The following TTC39C variants were observed in gnomAD, a reference collection of about 807,000 sequenced individuals.
TTC39C encodes the protein tetratricopeptide repeat domain 39C.
Under a neutral mutation model 76.3 loss-of-function variants are expected in TTC39C, and 33 were observed. That is an observed-to-expected ratio of 0.43 (90% CI 0.33 to 0.58). The LOEUF is 0.58. Among genes scored for constraint, TTC39C ranks in the 20% least tolerant of loss-of-function variants. The probability of loss-of-function intolerance (pLI) is 0.04; values close to 1 mark genes in which losing one functional copy is unlikely to be tolerated. For missense variants in TTC39C, 595 were observed against 701.4 expected (o/e 0.85, Z 1.71); for synonymous variants, 254 against 260.6 (o/e 0.97, Z 0.24).
chr18:24,121,790 A>G (rs2084971782), intron 8 of TTC39C, among the ~76,000 whole-genome samples: 1 of 152,050 alleles, frequency 6.6e-6, no homozygotes, highest in African/African-American at 2.4e-5. Flanking sequence ...TTTTTCATTG[A>G]TTTACTCTGT....
Position 24,065,976 on chromosome 18 carries a change from AATTC to A in TTC39C, c.217-19_217-16del, listed in dbSNP as rs750359133. On this transcript the variant is annotated intron_variant, in intron 2 of 13. Transcript: ENST00000317571. ...AAGTTGGCTTAAATTTTCAGATACT[AATTC>A]ATTCATTCATTCATTCTTTCTTTCT... The A allele has an allele frequency of 7.9e-6, 12 of 1,511,636 alleles. No homozygotes were observed. The Admixed American group carries it at 1.0e-4, about 13-fold the overall frequency. The allele number at this position is 1,511,636 out of a possible 1,614,324, so 93.6% of individuals were successfully genotyped here.
intron 1 of TTC39C, 124 bp from the exon 2 acceptor site, chr18:24,064,016 C>A: frequency 1.5e-6 from 2 of 1,351,024 alleles, no homozygotes; most frequent in South Asian, 1.5e-5. Flanking sequence ...TGCTTGATGA[C>A]CTTAACTTCT....
At chr18:23,993,934 C>A (rs954347937) in intron 1 of TTC39C, among the ~76,000 whole-genome samples, 1 of 152,146 alleles carries the variant, frequency 6.6e-6, no homozygotes, top group East Asian at 1.9e-4. Context: ...TATGACATCA[C>A]CAACAATCAT....
At chr18:24,018,954 G>T (rs951146652) in intron 1 of TTC39C, among the ~76,000 whole-genome samples, 4 of 152,110 alleles carry the variant, frequency 2.6e-5, no homozygotes, top group African/African-American at 9.7e-5. Flanking sequence ...TTGCTACTGG[G>T]TGTCTCGTCA....
At chr18:24,105,959 A>G (rs112438135) in intron 6 of TTC39C, among the ~76,000 whole-genome samples, 20 of 152,178 alleles carry the variant, frequency 1.3e-4, no homozygotes, top group Non-Finnish European at 2.2e-4. Context: ...GTCTTGGCCT[A>G]TGGAAGTGTC....
intron 6 of TTC39C, among the ~76,000 whole-genome samples, chr18:24,098,464 TTTC>T (rs2145785700): frequency 8.3e-6 from 1 of 121,070 alleles, no homozygotes; most frequent in Non-Finnish European, 1.7e-5. Context: ...TTTCCTTTCC[TTTC>T]TTTTCTCCTC....
intron 1 of TTC39C, among the ~76,000 whole-genome samples, chr18:24,039,901 G>C (rs941998022): frequency 4.6e-5 from 7 of 152,196 alleles, no homozygotes; most frequent in African/African-American, 1.7e-4. Flanking sequence ...TCACTAGTTA[G>C]ATGGTGCGGC....
chr18:24,057,239 C>T (rs1322101978), intron 1 of TTC39C, among the ~76,000 whole-genome samples: 1 of 152,024 alleles, frequency 6.6e-6, no homozygotes, highest in Non-Finnish European at 1.5e-5. Flanking sequence ...TAAAATATAG[C>T]CACAGTACCA....
rs140346851 is a variant in TTC39C at position 24,114,577 on chromosome 18, A to G, written c.1008A>G (p.Thr336=). Residue 336 remains threonine, a synonymous_variant, in exon 7 of 14, where the codon ACA becomes ACG. Transcript: ENST00000317571. Reference sequence around the variant, plus strand: ...AGTGTCAAATCAACAGTGCCTTGACATCTTTCCACACTGCTTTGGAACTTG... The same window carrying G: ...AGTGTCAAATCAACAGTGCCTTGACGTCTTTCCACACTGCTTTGGAACTTG... ...RLECQINSAL[T]SFHTALELAV... 551 of 1,614,080 alleles carry G rather than the reference A, an allele frequency of 3.4e-4. No homozygotes were observed. In the African/African-American group the frequency reaches 6.5e-3, roughly 19 times the overall value.
intron 1 of TTC39C, among the ~76,000 whole-genome samples, chr18:24,051,456 C>T (rs2083948153): frequency 6.6e-6 from 1 of 152,192 alleles, no homozygotes; most frequent in African/African-American, 2.4e-5. Flanking sequence ...CCCTGACCTG[C>T]AGGGACATCT....
intron 6 of TTC39C, chr18:24,113,268 A>C (rs975801157): frequency 8.3e-6 from 3 of 360,444 alleles, no homozygotes; most frequent in Non-Finnish European, 1.5e-5. Flanking sequence ...CATTTGGCTT[A>C]CAGTGTTCCC....
chr18:24,097,893 A>G (rs1896256081), intron 6 of TTC39C, among the ~76,000 whole-genome samples: 1 of 152,158 alleles, frequency 6.6e-6, no homozygotes, highest in African/African-American at 2.4e-5. Context: ...TTAGTGCCTC[A>G]AACTAGATCC....
intron 1 of TTC39C, among the ~76,000 whole-genome samples, chr18:23,995,405 G>A (rs1057046654): frequency 6.6e-6 from 1 of 152,054 alleles, no homozygotes; most frequent in South Asian, 2.1e-4. Context: ...AGGAGGTGGA[G>A]GTTGCAGTGA....
chr18:24,065,028 T>C (rs1414855873), intron 2 of TTC39C, among the ~76,000 whole-genome samples: 2 of 152,222 alleles, frequency 1.3e-5, no homozygotes, highest in East Asian at 3.9e-4. Flanking sequence ...GTAACATTAG[T>C]ACCCAAGTGA....
At chr18:24,081,182 C>T (rs3816288) in intron 5 of TTC39C, among the ~76,000 whole-genome samples, 9,607 of 152,138 alleles carry the variant, frequency 0.063, 402 homozygotes, top group East Asian at 0.2. Context: ...ATTTTAAAAC[C>T]TCAAATGATT....
rs766227571 is a variant in TTC39C at position 24,125,469 on chromosome 18, G to A, written c.1339G>A (p.Val447Met). The A allele has an allele frequency of 2.0e-5, 32 of 1,614,076 alleles. No homozygotes were observed. In the Admixed American group the frequency reaches 5.2e-4, roughly 26 times the overall value. Reference sequence around the variant, plus strand: ...GCAAACCCCAACCAAAGCGCTCTGTGTGTTGGCGTCTATTGAAGTGTTGTA... The same window carrying A: ...GCAAACCCCAACCAAAGCGCTCTGTATGTTGGCGTCTATTGAAGTGTTGTA... The part of the protein sequence containing the change: ...RKQTPTKALC[V>M]LASIEVLYLW... The change falls in exon 10 of 14, where the codon GTG becomes ATG. Residue 447 changes from valine (V) to methionine (M), a missense_variant. Transcript: ENST00000317571.
intron 4 of TTC39C, among the ~76,000 whole-genome samples, chr18:24,077,895 T>A (rs1299545664): frequency 1.3e-5 from 2 of 152,234 alleles, no homozygotes; most frequent in Non-Finnish European, 2.9e-5. Context: ...TTTGTTAGTA[T>A]AAAAGAAGCT....
chr18:24,005,480 A>C (rs1411307508), intron 1 of TTC39C, among the ~76,000 whole-genome samples: 1 of 152,178 alleles, frequency 6.6e-6, no homozygotes, highest in Non-Finnish European at 1.5e-5. Context: ...TGTGGTTTAA[A>C]ATGATTAAAA....
upstream of TTC39C, among the ~76,000 whole-genome samples, chr18:24,011,463 T>C (rs1026836049): frequency 1.3e-5 from 2 of 152,164 alleles, no homozygotes; most frequent in Non-Finnish European, 2.9e-5. Context: ...TGTCTGAGAA[T>C]AGAGCCAATA....
Sources: gnomAD v4.1 joint callset for allele counts (sites outside exome capture counted in the v4.1 genomes callset) on GRCh38, gnomAD v4.1.1 for gene constraint, MANE v1.5 for transcripts, NCBI Gene and HGNC (gene_info 2026-07-23, HGNC 2026-07-21) for gene names.